The following TCF20 variants were observed in gnomAD, a reference collection of about 807,000 sequenced individuals.
The protein encoded by TCF20 is SPRE-binding protein.
A neutral mutation model predicts 148.6 loss-of-function variants in TCF20; 3 were observed. The observed-to-expected ratio is 0.02, with a 90% CI of 0.01 to 0.05. The LOEUF (loss-of-function observed/expected upper bound fraction) is 0.05. Ranked by LOEUF, TCF20 falls within the 10% of genes least tolerant of loss-of-function variation. The pLI is 1.00. For missense variants in TCF20, 2,350 were observed against 2,429.3 expected (o/e 0.97, Z 0.69); for synonymous variants, 1,049 against 909.5 (o/e 1.15, Z -2.76).
intron 1 of TCF20, chr22:42,278,222 A>G (rs1477356609): frequency 6.6e-6 from 1 of 152,254 alleles, no homozygotes; most frequent in Non-Finnish European, 1.5e-5. Flanking sequence ...AAAGCTCTGT[A>G]AAGTGCTCTC....
At chr22:42,170,943 C>A (rs1278805768) in intron 3 of TCF20, among the ~76,000 whole-genome samples, 4 of 152,112 alleles carry the variant, frequency 2.6e-5, no homozygotes, top group Non-Finnish European at 5.9e-5. Context: ...TGCCCCACGA[C>A]CCACGGAGAC....
intron 1 of TCF20, among the ~76,000 whole-genome samples, chr22:42,313,537 T>C (rs926768628): frequency 2.6e-5 from 4 of 152,000 alleles, no homozygotes; most frequent in Admixed American, 6.5e-5. Flanking sequence ...TGGGGTTCTG[T>C]TAGGACCCTG....
At chr22:42,336,119 T>C (rs553728121) in intron 1 of TCF20, among the ~76,000 whole-genome samples, 1 of 152,186 alleles carries the variant, frequency 6.6e-6, no homozygotes, top group Non-Finnish European at 1.5e-5. Context: ...GAACTCCTCA[T>C]TGCAGAGGAT....
At chr22:42,219,399 C>T (rs1035606522) in intron 1 of TCF20, among the ~76,000 whole-genome samples, 2 of 95,898 alleles carry the variant, frequency 2.1e-5, no homozygotes, top group Admixed American at 1.1e-4. Flanking sequence ...GAGATAATTC[C>T]AATTTTATCC....
chr22:42,231,201 G>T lies in TCF20; in HGVS notation c.-36-15860C>A. ...AATAGAAAAAAAAGCTTATAAAGTG[G>T]CTAGGCCTGGTGGCTCACACCTACA... is the stretch of plus-strand genomic sequence containing the variant. On this transcript the variant is annotated intron_variant, in intron 1 of 5. Coordinates refer to ENST00000677622, the MANE Select transcript of TCF20 (RefSeq NM_001378418.1). Among the ~76,000 whole-genome samples the T allele has an allele frequency of 1.3e-5, 2 of 152,134 alleles. 1 individual carries two copies. The highest frequency in any genetic ancestry group is 6.3e-3 in the Middle Eastern group (2 of 316).
chr22:42,196,555 G>T (rs1030228651), intron 2 of TCF20, among the ~76,000 whole-genome samples: 4 of 152,118 alleles, frequency 2.6e-5, no homozygotes, highest in Non-Finnish European at 5.9e-5. Flanking sequence ...AACCAGCTTT[G>T]TATGAAAAAA....
At chr22:42,226,764 G>C (rs1422640515) in intron 1 of TCF20, among the ~76,000 whole-genome samples, 1 of 152,046 alleles carries the variant, frequency 6.6e-6, no homozygotes, top group Non-Finnish European at 1.5e-5. Context: ...AAATTCAAAA[G>C]ATATCAATGA....
At chr22:42,283,887 G>T (rs575176543) in exon 1 of TCF20, among the ~76,000 whole-genome samples, 1 of 152,214 alleles carries the variant, frequency 6.6e-6, no homozygotes, top group Admixed American at 6.5e-5. Context: ...CGGCGACCAC[G>T]GGGGAGGAAA....
At chr22:42,273,319 T>C (rs749100648), upstream of TCF20, among the ~76,000 whole-genome samples, 13 of 137,982 alleles carry the variant, frequency 9.4e-5, no homozygotes, top group Non-Finnish European at 1.4e-4. Context: ...GAGATTGTGC[T>C]GTTGCACTCC....
At chr22:42,243,972 G>A (rs1924690535) in intron 1 of TCF20, among the ~76,000 whole-genome samples, 1 of 152,196 alleles carries the variant, frequency 6.6e-6, no homozygotes, top group Non-Finnish European at 1.5e-5. Context: ...GTGGGGGCCA[G>A]GCACACTGGA....
intron 1 of TCF20, among the ~76,000 whole-genome samples, chr22:42,217,186 T>A (rs776834278): frequency 6.6e-6 from 1 of 152,164 alleles, no homozygotes; most frequent in African/African-American, 2.4e-5. Flanking sequence ...TCCCACCCCC[T>A]TGACCTCTCT....
upstream of TCF20, among the ~76,000 whole-genome samples, chr22:42,287,673 A>T (rs1349163787): frequency 6.6e-6 from 1 of 152,088 alleles, no homozygotes; most frequent in Non-Finnish European, 1.5e-5. Flanking sequence ...AGCTCAGTTG[A>T]TCCTCCTGAA....
At chr22:42,174,852 G>A (rs151249795) in intron 3 of TCF20, among the ~76,000 whole-genome samples, 3,454 of 152,096 alleles carry the variant, frequency 0.023, 73 homozygotes, top group East Asian at 0.11. Flanking sequence ...CGGCTAACAC[G>A]GTGAAACCCC....
chr22:42,292,072 G>A lies in TCF20; in HGVS notation c.-37+51407C>T, dbSNP rs983215348. 6.6e-6 allele frequency among the ~76,000 whole-genome samples: 1 copy of A among 152,014 alleles called. No individual in the cohort carries two copies. The highest frequency in any genetic ancestry group is 6.6e-5 in the Admixed American group (1 of 15,266). On this transcript the variant is annotated intron_variant, in intron 1 of 1. Coordinates refer to the TCF20 transcript ENST00000515426. This position sits in a 1 kb window ranked among gnomAD's most constrained non-coding sequence, Gnocchi z 4.9. The stretch of plus-strand genomic sequence containing the variant: ...AGGCACCTCTCACACACCACCCCTC[G>A]TATGAGACCCGTGAGCACTAATGGG...
At chr22:42,185,603 C>T (rs111371799) in intron 2 of TCF20, among the ~76,000 whole-genome samples, 5 of 152,144 alleles carry the variant, frequency 3.3e-5, no homozygotes, top group South Asian at 2.1e-4. Context: ...ATGCCAACTA[C>T]GTGGCAGCTA....
intron 1 of TCF20, among the ~76,000 whole-genome samples, chr22:42,226,802 C>G (rs1327444455): frequency 6.6e-6 from 1 of 152,038 alleles, no homozygotes; most frequent in African/African-American, 2.4e-5. Context: ...TGGGCAAAAG[C>G]TATATGAAAA....
chr22:42,262,254 C>T (rs956697869), intron 1 of TCF20, among the ~76,000 whole-genome samples: 4 of 152,110 alleles, frequency 2.6e-5, no homozygotes, highest in East Asian at 1.9e-4. Context: ...AGAAATGAGG[C>T]GGCCATCATC....
intron 1 of TCF20, chr22:42,276,886 T>C (rs986090766): frequency 6.6e-6 from 1 of 152,230 alleles, no homozygotes; most frequent in Non-Finnish European, 1.5e-5. Flanking sequence ...GGTCCTCGAC[T>C]GGAGCCACTT....
intron 1 of TCF20, among the ~76,000 whole-genome samples, chr22:42,252,119 T>C (rs1479971801): frequency 6.6e-6 from 1 of 151,014 alleles, no homozygotes; most frequent in East Asian, 2.0e-4. Flanking sequence ...GTATTTTTTT[T>C]TGTAAAAATA....
Sources: allele counts gnomAD v4.1 joint callset (sites outside exome capture counted in the v4.1 genomes callset), GRCh38; gene constraint gnomAD v4.1.1; non-coding constraint Gnocchi (gnomAD v3.1); transcripts MANE v1.5; gene names NCBI Gene and HGNC (gene_info 2026-07-23, HGNC 2026-07-21).